Variants in METTL15 observed in about 807,000 individuals in gnomAD.
The protein encoded by METTL15 is 12S rRNA N(4)-cytidine methyltransferase METTL15.
In METTL15, 34 loss-of-function variants were observed where a neutral mutation model predicts 38.3. The ratio of observed to expected loss-of-function variants is 0.89; its 90% confidence interval spans 0.68 to 1.18. The LOEUF is 1.18. Ranked by LOEUF, METTL15 falls within the 50% of genes most tolerant of loss-of-function variation. The pLI is 0.00. For synonymous variants in METTL15, 162 were observed against 170.9 expected, an observed-to-expected ratio of 0.95 and a Z score of 0.41; for missense variants, 438 against 498.4, an observed-to-expected ratio of 0.88 and a Z score of 1.15.
chr11:28,359,955 T>G (rs551439247), intron 4 of METTL15, among the ~76,000 whole-genome samples: 14 of 152,202 alleles, frequency 9.2e-5, no homozygotes, highest in Non-Finnish European at 1.9e-4. Flanking sequence ...TCCATTTACC[T>G]GCTGGGTACA....
intron 5 of METTL15, among the ~76,000 whole-genome samples, chr11:28,368,969 A>G (rs921654618): frequency 1.3e-5 from 2 of 151,936 alleles, no homozygotes. Flanking sequence ...ACATGGACAT[A>G]AGGAGGGGAA....
chr11:28,271,109 C>G (rs1198085353), intron 4 of METTL15, among the ~76,000 whole-genome samples: 2 of 152,098 alleles, frequency 1.3e-5, no homozygotes. Context: ...AAGTCTAGCC[C>G]TGGCATTTTG....
intron 4 of METTL15, among the ~76,000 whole-genome samples, chr11:28,264,877 A>G (rs1228340402): frequency 6.6e-6 from 1 of 152,188 alleles, no homozygotes. Flanking sequence ...TTTAAGTTGT[A>G]AATGCTGACT....
chr11:28,305,775 G>A (rs1857063749), intron 6 of METTL15, among the ~76,000 whole-genome samples: 1 of 152,046 alleles, frequency 6.6e-6, no homozygotes, highest in South Asian at 2.1e-4. Flanking sequence ...TTTGTATAGT[G>A]AGAGGTTAGA....
intron 6 of METTL15, among the ~76,000 whole-genome samples, chr11:28,434,682 T>C (rs898699419): frequency 3.3e-5 from 5 of 152,248 alleles, no homozygotes; most frequent in African/African-American, 9.6e-5. Flanking sequence ...CTGTGTGACA[T>C]AAACTTAGTG....
intron 6 of METTL15, among the ~76,000 whole-genome samples, chr11:28,304,444 C>T (rs187575827): frequency 5.3e-5 from 8 of 152,164 alleles, no homozygotes; most frequent in South Asian, 4.1e-4. Context: ...TTATGCCAGG[C>T]GCAGTGGCTC....
chr11:28,238,488 G>A (rs753094751), intron 4 of METTL15, among the ~76,000 whole-genome samples: 14 of 152,148 alleles, frequency 9.2e-5, no homozygotes, highest in African/African-American at 3.1e-4. Flanking sequence ...GGAATGCCCC[G>A]ATTTTCCAGG....
intron 6 of METTL15, among the ~76,000 whole-genome samples, chr11:28,449,589 C>T (rs1851102531): frequency 6.6e-6 from 1 of 152,118 alleles, no homozygotes; most frequent in African/African-American, 2.4e-5. Context: ...ATTCTTTGAT[C>T]GTCTTCTCAT....
chr11:28,493,197 A>C (rs1483788197), intron 6 of METTL15, among the ~76,000 whole-genome samples: 16 of 152,084 alleles, frequency 1.1e-4, no homozygotes, highest in Admixed American at 9.8e-4. Flanking sequence ...CATCCAATGC[A>C]AAGGAAAGCC....
rs192743024 is a variant in METTL15, at chr11:28,371,867, A to G, written c.*358+9831A>G. Among the ~76,000 whole-genome samples the G allele has an allele frequency of 4.1e-3, 626 of 152,156 alleles. 6 individuals are homozygous for G. Among genetic ancestry groups the G allele is most frequent in the Admixed American group, 7.5e-3 (115 of 15,272 alleles). ...TGTTTACTGCAACTTTACTGAATTT[A>G]TCAGTTCTAACAATTTTTTGTTAGA... On this transcript the variant is annotated intron_variant and NMD_transcript_variant, in intron 5 of 7. Coordinates refer to the METTL15 transcript ENST00000532947.
At chr11:28,290,489 A>T (rs1485818856) in intron 5 of METTL15, 92 bp downstream of exon 5, 1 of 1,163,318 alleles carries the variant, frequency 8.6e-7, no homozygotes, top group East Asian at 2.4e-5. Flanking sequence ...CAGAATTTCC[A>T]TTACATGCCT....
intron 5 of METTL15, among the ~76,000 whole-genome samples, chr11:28,399,408 A>G (rs1215762179): frequency 6.6e-6 from 1 of 151,998 alleles, no homozygotes. Flanking sequence ...TGCGGCTACT[A>G]TTAGGGAAAA....
At chr11:28,375,941 G>A (rs1247030791) in intron 5 of METTL15, among the ~76,000 whole-genome samples, 1 of 151,964 alleles carries the variant, frequency 6.6e-6, no homozygotes, top group Non-Finnish European at 1.5e-5. Flanking sequence ...AGTCATTCAG[G>A]AGCAGGTTGT....
At position 28,269,138 on chromosome 11, in the gene METTL15, C is replaced by T. The variant is rs568959205; in HGVS notation, c.408-21068C>T. Among the ~76,000 whole-genome samples the T allele has an allele frequency of 6.6e-4, 101 of 152,184 alleles. 1 individual carries two copies. Among genetic ancestry groups the T allele is most frequent in the Admixed American group, 1.1e-3 (17 of 15,276 alleles). On this transcript the variant is annotated intron_variant, in intron 4 of 6. Coordinates refer to ENST00000407364, the MANE Select transcript of METTL15 (RefSeq NM_001113528.2). ...GCTGTACCTGAAACCCCAAGTGATC[C>T]AGTTATTGGAGTGTAACAAAGTTTT...
chr11:28,512,836 C>G (rs993147502), intron 6 of METTL15, among the ~76,000 whole-genome samples: 25 of 152,340 alleles, frequency 1.6e-4, no homozygotes, highest in African/African-American at 6.0e-4. Context: ...GGAGCCCAGG[C>G]AGAGGAGGCA....
rs375725564 is a variant in METTL15 at position 28,296,834 on chromosome 11, G to T, written c.681G>T (p.Gly227=). 3.6e-5 allele frequency: 58 copies of T among 1,613,564 alleles called. No individual in the cohort carries two copies. In the East Asian group the frequency reaches 1.0e-3, roughly 28 times the overall value. ...TTGCATCTATCCTAAGAACATACGGGGAGGAGAAGCATGCCAAGAAAATCG... is the reference window on the plus strand; with the variant it reads ...TTGCATCTATCCTAAGAACATACGGTGAGGAGAAGCATGCCAAGAAAATCG... ...QALASILRTY[G]EEKHAKKIAS... is the part of the protein sequence containing the mutation. Residue 227 remains glycine (G), a synonymous_variant, in exon 6 of 7, where the codon GGG becomes GGT. Coordinates refer to ENST00000407364, the MANE Select transcript of METTL15 (RefSeq NM_001113528.2).
chr11:28,253,531 C>T (rs370737962), intron 4 of METTL15, among the ~76,000 whole-genome samples: 3 of 152,076 alleles, frequency 2.0e-5, no homozygotes, highest in Non-Finnish European at 2.9e-5. Context: ...ATTTTACTGT[C>T]AAATTCTAGG....
chr11:28,508,332 C>T (rs888349452), intron 6 of METTL15, among the ~76,000 whole-genome samples: 16 of 152,112 alleles, frequency 1.1e-4, no homozygotes, highest in South Asian at 2.1e-4. Flanking sequence ...ACATCTAGAG[C>T]GGAATCTGTT....
intron 4 of METTL15, among the ~76,000 whole-genome samples, chr11:28,253,052 C>T (rs1467045084): frequency 1.4e-4 from 21 of 152,134 alleles, no homozygotes; most frequent in Admixed American, 1.4e-3. Context: ...GCCTTTTTCA[C>T]TGTCTACACT....
Sources: gnomAD v4.1 joint callset for allele counts (sites outside exome capture counted in the v4.1 genomes callset) on GRCh38, gnomAD v4.1.1 for gene constraint, MANE v1.5 for transcripts, NCBI Gene and HGNC (gene_info 2026-07-23, HGNC 2026-07-21) for gene names.